Variants in DACT1 observed in about 807,000 individuals in gnomAD.
DACT1 encodes the protein dishevelled binding antagonist of beta catenin 1.
In DACT1, 19 loss-of-function variants were observed where a neutral mutation model predicts 35.3. That is an observed-to-expected ratio of 0.54 (90% CI 0.38 to 0.79). The LOEUF is 0.79. Among genes scored for constraint, DACT1 ranks in the 30% least tolerant of loss-of-function variants. DACT1 has a pLI of 0.00. For missense variants in DACT1, 1,143 were observed against 1,057.5 expected, an observed-to-expected ratio of 1.08 and a Z score of -1.12; for synonymous variants, 545 against 466.7, an observed-to-expected ratio of 1.17 and a Z score of -2.16.
chr14:58,638,573 C>T, intron 1 of DACT1, 26 bp downstream of exon 1: 1 of 1,321,030 alleles, frequency 7.6e-7, no homozygotes, highest in Non-Finnish European at 9.7e-7. Flanking sequence ...AGGTGGAGCA[C>T]GGCTGTTCCT....
chr14:58,637,559 T>C (rs558933184), upstream of DACT1, among the ~76,000 whole-genome samples: 30 of 152,092 alleles, frequency 2.0e-4, no homozygotes, highest in Middle Eastern at 3.4e-3. Context: ...TGCTGCAACT[T>C]GGTCGAGTTT....
chr14:58,645,104 C>T (rs1337536320), intron 3 of DACT1, among the ~76,000 whole-genome samples: 1 of 152,168 alleles, frequency 6.6e-6, no homozygotes, highest in Admixed American at 6.5e-5. Flanking sequence ...CCCCCTCATC[C>T]AGTAGCAGTA....
At chr14:58,644,587 CTGATCAGTTTTTACTGAAGTT>C (rs1370845530) in intron 3 of DACT1, among the ~76,000 whole-genome samples, 1 of 152,148 alleles carries the variant, frequency 6.6e-6, no homozygotes, top group African/African-American at 2.4e-5. Context: ...TTATTTAAAT[CTGATCAGTTTTTACTGAAGTT>C]TGATCAGTTT....
At position 58,647,308 on chromosome 14, in the gene DACT1, A is replaced by G; in HGVS notation, c.*174A>G. On this transcript the variant is annotated 3_prime_UTR_variant, in exon 4 of 4. Transcript: ENST00000395153. The stretch of plus-strand genomic sequence containing the variant: ...TTCACGTATGGATGCTAGTGCCTTT[A>G]ATGGAAGGTAAAGAATGTTTTGCTA... 1.4e-6 allele frequency: 1 copy of G among 731,044 alleles called. No individual in the cohort carries two copies. The allele number at this position is 731,044 out of a possible 1,614,324, so 45.3% of individuals were successfully genotyped here.
At position 58,640,724 on chromosome 14, in the gene DACT1, C is replaced by T; in HGVS notation, c.346-12C>T. The T allele has an allele frequency of 6.2e-7, 1 of 1,613,816 alleles. No individual in the cohort carries two copies. The highest frequency in any genetic ancestry group is 8.5e-7 in the Non-Finnish European group (1 of 1,179,850). On this transcript the variant is annotated splice_polypyrimidine_tract_variant and intron_variant, in intron 1 of 3. Coordinates refer to ENST00000395153, the MANE Select transcript of DACT1 (RefSeq NM_001079520.2). The stretch of plus-strand genomic sequence containing the variant: ...CTGTATGTTCATGTTTCCTTTGTTT[C>T]TTCCTAATCAGAACTGTTTGAGGCG...
At chr14:58,643,102 G>C (rs578202747) in intron 3 of DACT1, among the ~76,000 whole-genome samples, 2 of 152,324 alleles carry the variant, frequency 1.3e-5, no homozygotes, top group African/African-American at 4.8e-5. Context: ...GAGTGGCAGA[G>C]GCAGAAGTTA....
rs1426414920 is a variant in DACT1 at position 58,638,019 on chromosome 14, G to A, written c.-184G>A. 2.1e-5 allele frequency: 10 copies of A among 484,340 alleles called. No individual in the cohort carries two copies. The highest frequency in any genetic ancestry group is 8.2e-5 in the African/African-American group (4 of 48,646). The allele number at this position is 484,340 out of a possible 1,614,324, so 30.0% of individuals were successfully genotyped here. ...GCGGCGACAGCGGACGGCGCTGCCCGGGCCGGGACAGCAGCAGCCGGCGGT... is the reference window on the plus strand; with the variant it reads ...GCGGCGACAGCGGACGGCGCTGCCCAGGCCGGGACAGCAGCAGCCGGCGGT... On this transcript the variant is annotated 5_prime_UTR_variant, in exon 1 of 4. Transcript: ENST00000395153.
intron 1 of DACT1, among the ~76,000 whole-genome samples, chr14:58,639,612 T>C (rs920728425): frequency 1.3e-5 from 2 of 152,244 alleles, no homozygotes; most frequent in Admixed American, 6.5e-5. Flanking sequence ...AGCACCAAAG[T>C]GCTTTTACTT....
chr14:58,645,506 G>A lies in DACT1; in HGVS notation c.772G>A (p.Glu258Lys). Residue 258 changes from glutamate (E) to lysine (K), a missense_variant, in exon 4 of 4, where the codon GAG becomes AAG. Coordinates refer to ENST00000395153, the MANE Select transcript of DACT1 (RefSeq NM_001079520.2). ...TCTGACGGGCAACCCTCTGAGGGAA[G>A]AGGACAGGCTTGGAAACCATGCCAG... ...LCLTGNPLREEDRLGNHASDI... is the reference protein window; with the variant it reads ...LCLTGNPLREKDRLGNHASDI... 1 of 1,614,222 alleles carries A rather than the reference G, an allele frequency of 6.2e-7. No individual in the cohort carries two copies. Among genetic ancestry groups the A allele is most frequent in the Non-Finnish European group, 8.5e-7 (1 of 1,180,046 alleles).
At position 58,640,981 on chromosome 14, in the gene DACT1, G is replaced by A. The variant is rs116026592; in HGVS notation, c.478+113G>A. 6.8e-4 allele frequency: 792 copies of A among 1,171,360 alleles called. 12 individuals are homozygous for A. In the African/African-American group the frequency reaches 0.01, roughly 15 times the overall value. The allele number at this position is 1,171,360 out of a possible 1,614,324, so 72.6% of individuals were successfully genotyped here. A position where few individuals can be genotyped will look rare whatever the true frequency, so the allele number is the denominator to read the frequency against. ...CAATGGAGTTTGTTTCCAGTGCAGAGAGGATAAACAAAAAAGAAGTCTGCC... is the reference window on the plus strand; with the variant it reads ...CAATGGAGTTTGTTTCCAGTGCAGAAAGGATAAACAAAAAAGAAGTCTGCC... On this transcript the variant is annotated intron_variant, in intron 2 of 3. Coordinates refer to ENST00000395153, the MANE Select transcript of DACT1 (RefSeq NM_001079520.2).
chr14:58,641,475 G>T, intron 2 of DACT1, 117 bp from the exon 3 acceptor site: 2 of 1,162,334 alleles, frequency 1.7e-6, no homozygotes, highest in Non-Finnish European at 2.4e-6. Flanking sequence ...AATCAAAATT[G>T]GCCAAAAAAC....
intron 1 of DACT1, chr14:58,638,992 T>G (rs1302009518): frequency 9.1e-6 from 9 of 984,824 alleles, no homozygotes; most frequent in Middle Eastern, 5.2e-4. Context: ...AAGGAGGGGG[T>G]TTGTGGCGTG....
In DACT1 at chr14:58,646,712, GGT is replaced by G. The variant is rs760308973; in HGVS notation, c.1979_1980del (p.Gly660AlafsTer25). 5.0e-6 allele frequency: 8 copies of G among 1,613,012 alleles called. No homozygotes were observed. The highest frequency in any genetic ancestry group is 6.8e-6 in the Non-Finnish European group (8 of 1,179,856). ...AGAGGCCCTGAGGAGGGCCCGGCGC[GGT>G]CGCCGGGAGAATGTGGGGCTGTACC... Reference protein sequence around the residue: ...YEEALRRARRGRRENVGLYPA... With the variant: ...YEEALRRARRXRRENVGLYPA... On this transcript the variant is annotated frameshift_variant, in exon 4 of 4. Coordinates refer to ENST00000395153, the MANE Select transcript of DACT1 (RefSeq NM_001079520.2). LOFTEE classifies it high-confidence loss of function.
At chr14:58,640,970 T>G (rs1346697381) in intron 2 of DACT1, 102 bp downstream of exon 2, 4 of 1,335,082 alleles carry the variant, frequency 3.0e-6, no homozygotes, top group Non-Finnish European at 4.2e-6. Context: ...GGAGTTTGTT[T>G]CCAGTGCAGA....
At chr14:58,642,937 A>G (rs2047641343) in intron 3 of DACT1, among the ~76,000 whole-genome samples, 2 of 152,228 alleles carry the variant, frequency 1.3e-5, no homozygotes, top group South Asian at 4.1e-4. Context: ...CATTTCCAGT[A>G]TGTGTCACAC....
At chr14:58,642,370 C>G (rs933195805) in intron 3 of DACT1, among the ~76,000 whole-genome samples, 1 of 152,032 alleles carries the variant, frequency 6.6e-6, no homozygotes, top group East Asian at 1.9e-4. Flanking sequence ...GCCTATAGTC[C>G]CAGCTACTCG....
chr14:58,641,471 A>T, intron 2 of DACT1, 121 bp from the exon 3 acceptor site: 1 of 1,144,810 alleles, frequency 8.7e-7, no homozygotes, highest in South Asian at 1.5e-5. Flanking sequence ...AATGAATCAA[A>T]ATTGGCCAAA....
At chr14:58,642,945 C>T (rs2047641442) in intron 3 of DACT1, among the ~76,000 whole-genome samples, 1 of 152,226 alleles carries the variant, frequency 6.6e-6, no homozygotes, top group Non-Finnish European at 1.5e-5. Context: ...GTATGTGTCA[C>T]ACACTACTGG....
At chr14:58,642,742 G>A (rs1203511677) in intron 3 of DACT1, among the ~76,000 whole-genome samples, 1 of 152,198 alleles carries the variant, frequency 6.6e-6, no homozygotes, top group Non-Finnish European at 1.5e-5. Context: ...ATGTCCATCA[G>A]CCTGGCCAAG....
Sources: allele counts gnomAD v4.1 joint callset (sites outside exome capture counted in the v4.1 genomes callset), GRCh38; gene constraint gnomAD v4.1.1; transcripts MANE v1.5; gene names NCBI Gene and HGNC (gene_info 2026-07-23, HGNC 2026-07-21).